The following PRKD1 variants were observed in gnomAD, a reference collection of about 807,000 sequenced individuals.
PRKD1 encodes the protein protein kinase D1, also known as serine/threonine-protein kinase D1.
In PRKD1, 63 loss-of-function variants were observed where a neutral mutation model predicts 95.9. That is an observed-to-expected ratio of 0.66 (90% CI 0.54 to 0.81). The LOEUF (loss-of-function observed/expected upper bound fraction) is 0.81, where lower values mean the gene tolerates loss of function less well. Among genes scored for constraint, PRKD1 ranks in the 30% least tolerant of loss-of-function variants. PRKD1 has a pLI of 0.00. For synonymous variants in PRKD1, 425 were observed against 423.1 expected, an observed-to-expected ratio of 1.00 and a Z score of -0.05; for missense variants, 1,048 against 1,165.3, an observed-to-expected ratio of 0.90 and a Z score of 1.47.
chr14:29,577,450 G>T lies in PRKD1; in HGVS notation c.2527C>A (p.Gln843Lys). 2 of 1,613,450 alleles carry T rather than the reference G, an allele frequency of 1.2e-6. No individual in the cohort carries two copies. The highest frequency in any genetic ancestry group is 1.7e-6 in the Non-Finnish European group (2 of 1,179,572). Residue 843 changes from glutamine to lysine, a missense_variant, in exon 18 of 18, where the codon CAG becomes AAG. Coordinates refer to ENST00000331968, the MANE Select transcript of PRKD1 (RefSeq NM_002742.3). Reference sequence around the variant, plus strand: ...AGCTCTCGCAAATCTAACCAGGTCTGATAGTCCTGAAGAAGAAATTCCAAA... The same window carrying T: ...AGCTCTCGCAAATCTAACCAGGTCTTATAGTCCTGAAGAAGAAATTCCAAA... Reference protein sequence around the residue: ...TLSHPWLQDYQTWLDLRELEC... With the variant: ...TLSHPWLQDYKTWLDLRELEC...
At chr14:29,816,574 ACTT>A (rs1890702285) in intron 1 of PRKD1, among the ~76,000 whole-genome samples, 3 of 152,342 alleles carry the variant, frequency 2.0e-5, no homozygotes, top group East Asian at 3.9e-4. Context: ...CAACATATGA[ACTT>A]CTTTTAATTT....
chr14:29,879,502 A>G (rs1893426839), intron 1 of PRKD1, among the ~76,000 whole-genome samples: 2 of 151,992 alleles, frequency 1.3e-5, no homozygotes, highest in African/African-American at 4.8e-5. Context: ...GTCCAATTAA[A>G]CCTCTTTTTC....
intron 2 of PRKD1, among the ~76,000 whole-genome samples, chr14:29,692,307 C>T (rs1035353496): frequency 2.6e-5 from 4 of 151,844 alleles, no homozygotes; most frequent in African/African-American, 9.7e-5. Context: ...TGGATGATTC[C>T]ATTCCTGCCA....
chr14:29,652,084 T>C (rs942933145), intron 4 of PRKD1, among the ~76,000 whole-genome samples: 1 of 152,160 alleles, frequency 6.6e-6, no homozygotes, highest in Non-Finnish European at 1.5e-5. Flanking sequence ...TCAGAAGTTA[T>C]GAGCAGTCGG....
rs1330444449 is a variant in PRKD1, at chr14:29,798,814, G to A, written c.265-73140C>T. 1.3e-5 allele frequency among the ~76,000 whole-genome samples: 2 copies of A among 152,164 alleles called. 1 individual carries two copies. The highest frequency in any genetic ancestry group is 4.8e-5 in the African/African-American group (2 of 41,436). ...TTCAGTGTACAATGAGCTATTGGAG[G>A]AAATCTTGATTCACAAAAAAATTCA... On this transcript the variant is annotated intron_variant, in intron 1 of 17. Coordinates refer to ENST00000331968, the MANE Select transcript of PRKD1 (RefSeq NM_002742.3).
intron 2 of PRKD1, among the ~76,000 whole-genome samples, chr14:29,697,251 T>C (rs1342809701): frequency 6.6e-6 from 1 of 152,088 alleles, no homozygotes; most frequent in Admixed American, 6.6e-5. Context: ...ACAATGTAAT[T>C]TAAATTCATG....
intron 1 of PRKD1, among the ~76,000 whole-genome samples, chr14:29,727,927 G>A (rs1022190445): frequency 1.3e-5 from 2 of 150,856 alleles, no homozygotes; most frequent in East Asian, 2.0e-4. Flanking sequence ...ACCAAACACC[G>A]CATATTCTCA....
At chr14:29,838,946 T>C (rs1891720238) in intron 1 of PRKD1, among the ~76,000 whole-genome samples, 2 of 152,096 alleles carry the variant, frequency 1.3e-5, no homozygotes, top group African/African-American at 4.8e-5. Flanking sequence ...GGTGGAAGAA[T>C]GATGCAATCA....
intron 2 of PRKD1, among the ~76,000 whole-genome samples, chr14:29,709,772 A>C (rs1355153755): frequency 6.6e-6 from 1 of 152,186 alleles, no homozygotes; most frequent in Non-Finnish European, 1.5e-5. Flanking sequence ...CCTTCAATTT[A>C]TGGGATGATG....
chr14:29,647,805 T>A (rs1396653329), intron 4 of PRKD1, among the ~76,000 whole-genome samples: 1 of 151,956 alleles, frequency 6.6e-6, no homozygotes, highest in Non-Finnish European at 1.5e-5. Context: ...AGAGTTAATT[T>A]AAGGTGTACA....
At chr14:29,864,295 A>C (rs1356919096) in intron 1 of PRKD1, among the ~76,000 whole-genome samples, 1 of 152,130 alleles carries the variant, frequency 6.6e-6, no homozygotes, top group Admixed American at 6.5e-5. Context: ...TCCAACCTAC[A>C]AAGAGCCTGC....
At chr14:29,586,384 ATAACT>A (rs1468130077) in intron 16 of PRKD1, among the ~76,000 whole-genome samples, 12 of 152,306 alleles carry the variant, frequency 7.9e-5, no homozygotes, top group Admixed American at 3.3e-4. Flanking sequence ...TGCTGGTAAA[ATAACT>A]TAAAGGAGAC....
intron 2 of PRKD1, among the ~76,000 whole-genome samples, chr14:29,714,344 A>G (rs1333505791): frequency 6.6e-6 from 1 of 152,222 alleles, no homozygotes; most frequent in Non-Finnish European, 1.5e-5. Context: ...TATGCAGCCA[A>G]CAAACATGAA....
At chr14:29,686,349 A>G (rs1231712370) in intron 2 of PRKD1, among the ~76,000 whole-genome samples, 2 of 151,502 alleles carry the variant, frequency 1.3e-5, no homozygotes, top group East Asian at 3.9e-4. Flanking sequence ...GCAGTGTGTC[A>G]GTTGGGAGTG....
intron 1 of PRKD1, among the ~76,000 whole-genome samples, chr14:29,868,702 A>G (rs1187750925): frequency 6.6e-6 from 1 of 152,222 alleles, no homozygotes; most frequent in Non-Finnish European, 1.5e-5. Context: ...CTTTTCAAAA[A>G]GACACATTTT....
At chr14:29,749,346 G>C (rs1355550792) in intron 1 of PRKD1, among the ~76,000 whole-genome samples, 2 of 152,164 alleles carry the variant, frequency 1.3e-5, no homozygotes, top group African/African-American at 4.8e-5. Flanking sequence ...AGACAGGCAA[G>C]AACCCCAGGA....
chr14:29,749,644 T>C (rs545460227), intron 1 of PRKD1, among the ~76,000 whole-genome samples: 8 of 152,300 alleles, frequency 5.3e-5, no homozygotes, highest in Admixed American at 2.6e-4. Context: ...CATGTGTATA[T>C]AAATCACATA....
At chr14:29,629,199 C>A in intron 10 of PRKD1, 106 bp from the exon 11 acceptor site, 1 of 837,258 alleles carries the variant, frequency 1.2e-6, no homozygotes, top group Non-Finnish European at 1.9e-6. Flanking sequence ...GTGGTTTTAA[C>A]TAAATCATAG....
At chr14:29,915,769 G>C (rs1038940596) in intron 1 of PRKD1, among the ~76,000 whole-genome samples, 5 of 152,102 alleles carry the variant, frequency 3.3e-5, no homozygotes, top group African/African-American at 9.7e-5. Flanking sequence ...CAACACAATA[G>C]GAAGATTTAA....
Sources: gnomAD v4.1 joint callset for allele counts (sites outside exome capture counted in the v4.1 genomes callset) on GRCh38, gnomAD v4.1.1 for gene constraint, MANE v1.5 for transcripts, NCBI Gene and HGNC (gene_info 2026-07-23, HGNC 2026-07-21) for gene names.